RASA3: variants seen among roughly 807,000 people sequenced by gnomAD.
RASA3 encodes the protein RAS p21 protein activator 3.
In RASA3, 73 loss-of-function variants were observed where a neutral mutation model predicts 110.0. The ratio of observed to expected loss-of-function variants is 0.66; its 90% confidence interval spans 0.55 to 0.81. RASA3 has a LOEUF of 0.81. Among genes scored for constraint, RASA3 ranks in the 30% least tolerant of loss-of-function variants. The probability of loss-of-function intolerance (pLI) is 0.00; values close to 1 mark genes in which losing one functional copy is unlikely to be tolerated. For synonymous variants in RASA3, 500 were observed against 451.4 expected (o/e 1.11, Z -1.37); for missense variants, 976 against 1,113.2 (o/e 0.88, Z 1.75).
Position 114,039,751 on chromosome 13 carries a change from G to A in RASA3, c.372+1249C>T, listed in dbSNP as rs116619944. On this transcript the variant is annotated intron_variant, in intron 4 of 23. Transcript: ENST00000334062. ...CCGGGCAGCTGGGCACCGTGCGTCC[G>A]TGAGCAGCTGTGAACACAAGGGTCT... Among the ~76,000 whole-genome samples the A allele has an allele frequency of 4.6e-3, 700 of 152,368 alleles. 4 individuals are homozygous for A. Among genetic ancestry groups the A allele is most frequent in the African/African-American group, 0.016 (655 of 41,586 alleles).
intron 22 of RASA3, among the ~76,000 whole-genome samples, chr13:113,989,999 A>T (rs2053070503): frequency 6.6e-6 from 1 of 152,094 alleles, no homozygotes; most frequent in Non-Finnish European, 1.5e-5. Flanking sequence ...TCATGGGGAC[A>T]GACTTCCCCA....
intron 1 of RASA3, among the ~76,000 whole-genome samples, chr13:114,083,224 T>A (rs1302997290): frequency 6.6e-6 from 1 of 152,256 alleles, no homozygotes; most frequent in Non-Finnish European, 1.5e-5. Flanking sequence ...AATTTTTTTG[T>A]GCTATTGCAG....
chr13:113,996,046 G>A (rs866425375), intron 21 of RASA3, among the ~76,000 whole-genome samples: 13 of 67,216 alleles, frequency 1.9e-4, no homozygotes, highest in East Asian at 5.4e-4. Context: ...GGGCCCGGCT[G>A]ATGGGGGGGC....
chr13:114,094,863 G>A (rs760542321), intron 1 of RASA3, among the ~76,000 whole-genome samples: 17 of 152,118 alleles, frequency 1.1e-4, no homozygotes, highest in South Asian at 1.0e-3. Context: ...TACCGAGACC[G>A]AGGCGCGGGC....
chr13:114,023,498 C>T (rs1436929783), intron 8 of RASA3, among the ~76,000 whole-genome samples: 2 of 152,202 alleles, frequency 1.3e-5, no homozygotes, highest in East Asian at 1.9e-4. Context: ...TTCGTTGGTA[C>T]AGAAGGAACA....
At chr13:114,077,415 G>A (rs1319360305) in intron 1 of RASA3, among the ~76,000 whole-genome samples, 1 of 142,062 alleles carries the variant, frequency 7.0e-6, no homozygotes, top group Non-Finnish European at 1.5e-5. Context: ...CTCCGTCCCT[G>A]CCTGACGATG....
chr13:113,984,716 T>C (rs2053012727), intron 22 of RASA3, among the ~76,000 whole-genome samples: 1 of 99,878 alleles, frequency 1.0e-5, no homozygotes, highest in African/African-American at 3.2e-5. Context: ...ACTCACCCTG[T>C]CCATCCATCC....
chr13:114,074,905 G>A (rs2079642320), intron 1 of RASA3, among the ~76,000 whole-genome samples: 1 of 152,266 alleles, frequency 6.6e-6, no homozygotes, highest in Admixed American at 6.5e-5. Context: ...GGAGAATAGG[G>A]AGTGAGCAGG....
Position 113,979,357 on chromosome 13 carries a change from T to C in RASA3, c.2495A>G (p.His832Arg). The C allele has an allele frequency of 6.3e-7, 1 of 1,599,418 alleles. No homozygotes were observed. The highest frequency in any genetic ancestry group is 8.6e-7 in the Non-Finnish European group (1 of 1,166,820). The change falls in exon 24 of 24, where the codon CAT becomes CGT. Residue 832 changes from histidine to arginine, a missense_variant. This residue lies in a region of RASA3 where 132 missense variants were observed against 152.8 expected (regional missense o/e 0.86). Coordinates refer to ENST00000334062, the MANE Select transcript of RASA3 (RefSeq NM_007368.4). The part of the protein sequence containing the change: ...YIRQQSETST[H>R]SI ...CGCGTCCCGCAGACTTTAAATGGAA[T>C]GAGTGGAGGTCTCGGACTGCTGCCG...
chr13:114,047,644 C>A (rs747792703), intron 3 of RASA3, among the ~76,000 whole-genome samples: 1 of 152,254 alleles, frequency 6.6e-6, no homozygotes, highest in East Asian at 1.9e-4. Context: ...GAGGATTAGA[C>A]ACAATCCAGA....
intron 9 of RASA3, among the ~76,000 whole-genome samples, chr13:114,019,728 G>C (rs1225303253): frequency 2.0e-5 from 3 of 150,242 alleles, no homozygotes; most frequent in Non-Finnish European, 4.4e-5. Context: ...GGTGGAGCCT[G>C]TGTCTGAGAC....
chr13:114,003,689 G>A lies in RASA3; in HGVS notation c.1743-2757C>T, dbSNP rs577028956. On this transcript the variant is annotated intron_variant, in intron 18 of 23. Transcript: ENST00000334062. ...CTTGTACCTTAACCAAGGCAATTGT[G>A]TTAGACGTACTCATAGGCATGTCCC... Among the ~76,000 whole-genome samples the A allele has an allele frequency of 7.9e-5, 12 of 152,264 alleles. No homozygotes were observed. In the South Asian group the frequency reaches 2.5e-3, roughly 32 times the overall value.
In RASA3 at chr13:114,065,832, C is replaced by T. The variant is rs2079439032; in HGVS notation, c.173+7888G>A. 1.3e-5 allele frequency among the ~76,000 whole-genome samples: 2 copies of T among 152,338 alleles called. No homozygotes were observed. Among genetic ancestry groups the T allele is most frequent in the African/African-American group, 4.8e-5 (2 of 41,588 alleles). On this transcript the variant is annotated intron_variant, in intron 2 of 23. Transcript: ENST00000334062. This position sits in a 1 kb window ranked among gnomAD's most constrained non-coding sequence, Gnocchi z 4.1. The stretch of plus-strand genomic sequence containing the variant: ...AGCCCCACACACACTGGGTTGCAGC[C>T]TCCTGTGGTTCAAGATGGGTGGGGT...
At chr13:114,074,635 G>C (rs545087934) in intron 1 of RASA3, among the ~76,000 whole-genome samples, 2 of 152,320 alleles carry the variant, frequency 1.3e-5, no homozygotes, top group Admixed American at 1.3e-4. Flanking sequence ...CCAGCTGTTC[G>C]AATTGCCAGT....
chr13:114,055,914 C>T (rs907238224), intron 2 of RASA3, among the ~76,000 whole-genome samples: 3 of 152,228 alleles, frequency 2.0e-5, no homozygotes, highest in Admixed American at 6.5e-5. Flanking sequence ...AATCAAGCTT[C>T]GTTCACCATG....
chr13:114,069,202 A>C (rs1381802982), intron 2 of RASA3, among the ~76,000 whole-genome samples: 2 of 152,018 alleles, frequency 1.3e-5, no homozygotes, highest in Non-Finnish European at 2.9e-5. Context: ...CTGCTAAGTC[A>C]GACGGCGATA....
At chr13:114,100,282 G>A (rs986151865) in intron 1 of RASA3, among the ~76,000 whole-genome samples, 54 of 151,980 alleles carry the variant, frequency 3.6e-4, no homozygotes, top group Admixed American at 1.2e-3. Context: ...CCTCGGCCCC[G>A]ACCCTCCCCA....
At chr13:114,095,766 C>T (rs925877953) in intron 1 of RASA3, among the ~76,000 whole-genome samples, 11 of 152,178 alleles carry the variant, frequency 7.2e-5, no homozygotes, top group Non-Finnish European at 1.5e-4. Flanking sequence ...CTCTCCAGGC[C>T]TCAGTTTCCC....
intron 1 of RASA3, among the ~76,000 whole-genome samples, chr13:114,079,068 G>A (rs977507376): frequency 7.2e-5 from 11 of 152,222 alleles, no homozygotes; most frequent in African/African-American, 2.4e-4. Flanking sequence ...TCAGCTCAGC[G>A]CCCAGTGAAG....
Sources: allele counts gnomAD v4.1 joint callset (sites outside exome capture counted in the v4.1 genomes callset), GRCh38; gene constraint gnomAD v4.1.1; regional missense constraint gnomAD v4.1.1; non-coding constraint Gnocchi (gnomAD v3.1); transcripts MANE v1.5; gene names NCBI Gene and HGNC (gene_info 2026-07-23, HGNC 2026-07-21).